COL21A1: variants seen among roughly 807,000 people sequenced by gnomAD.
The protein encoded by COL21A1 is collagen alpha-1(XXI) chain.
COL21A1 carries 149 observed loss-of-function variants against 137.9 expected under a neutral mutation model. That is an observed-to-expected ratio of 1.08 (90% confidence interval 0.95 to 1.24). The LOEUF (loss-of-function observed/expected upper bound fraction) is 1.24. COL21A1 is among the 50% of genes most tolerant of loss of function. The probability of loss-of-function intolerance (pLI) is 0.00; values close to 1 mark genes in which losing one functional copy is unlikely to be tolerated. For missense variants in COL21A1, 1,167 were observed against 1,158.4 expected (o/e 1.01, Z -0.11); for synonymous variants, 456 against 391.5 (o/e 1.16, Z -1.95).
intron 1 of COL21A1, among the ~76,000 whole-genome samples, chr6:56,231,803 AAAGACAT>A (rs71796368): frequency 0.01 from 1,524 of 151,940 alleles, 26 homozygotes; most frequent in African/African-American, 0.035. Context: ...AAAGAGCTCC[AAAGACAT>A]ATACGGTAAC....
At chr6:56,071,904 C>G (rs1021031137) in intron 20 of COL21A1, among the ~76,000 whole-genome samples, 9 of 151,380 alleles carry the variant, frequency 5.9e-5, no homozygotes, top group African/African-American at 2.2e-4. Flanking sequence ...CTGCACCTAT[C>G]AACCCATCAC....
intron 1 of COL21A1, among the ~76,000 whole-genome samples, chr6:56,294,720 A>G (rs982524562): frequency 2.0e-5 from 3 of 151,906 alleles, no homozygotes; most frequent in African/African-American, 7.2e-5. Flanking sequence ...GATGTTGAGT[A>G]TCTCCTGTAT....
chr6:56,147,895 GTCC>G (rs1207502039), intron 10 of COL21A1, among the ~76,000 whole-genome samples: 1 of 152,094 alleles, frequency 6.6e-6, no homozygotes, highest in African/African-American at 2.4e-5. Context: ...TTTCCTCCCT[GTCC>G]TCTTTTTCTC....
chr6:56,158,266 C>CTTTTTTTTTTTTTTT (rs67453245), intron 9 of COL21A1, among the ~76,000 whole-genome samples: 2,978 of 62,692 alleles, frequency 0.048, 20 homozygotes, highest in East Asian at 0.063. Flanking sequence ...TTTTTTTTTT[C>CTTTTTTTTTTTTTTT]TTTTTTTTTT....
intron 21 of COL21A1, 37 bp from the exon 22 acceptor site, chr6:56,069,154 T>G: frequency 7.1e-7 from 1 of 1,399,432 alleles, no homozygotes; most frequent in Non-Finnish European, 9.9e-7. Context: ...ATCACAGATC[T>G]ACTGCTTATG....
chr6:56,173,567 T>G (rs1409210918), intron 3 of COL21A1, among the ~76,000 whole-genome samples: 1 of 152,116 alleles, frequency 6.6e-6, no homozygotes, highest in African/African-American at 2.4e-5. Flanking sequence ...ATCAGAGATG[T>G]CTATACTTAT....
chr6:56,276,473 T>A, intron 1 of COL21A1: 1 of 741,960 alleles, frequency 1.3e-6, no homozygotes, highest in Non-Finnish European at 2.2e-6. Context: ...AAATACATAC[T>A]TTTTTCAGAG....
At chr6:56,108,830 A>C (rs1771169960) in intron 16 of COL21A1, among the ~76,000 whole-genome samples, 1 of 151,922 alleles carries the variant, frequency 6.6e-6, no homozygotes, top group African/African-American at 2.4e-5. Flanking sequence ...TTAAACATAC[A>C]ATAAGTCAAA....
intron 1 of COL21A1, among the ~76,000 whole-genome samples, chr6:56,257,917 A>C (rs746685346): frequency 1.3e-5 from 2 of 152,152 alleles, no homozygotes; most frequent in Non-Finnish European, 2.9e-5. Context: ...TTATTTAATC[A>C]GTCAGAAATT....
chr6:56,251,315 T>C (rs1383306121), upstream of COL21A1, among the ~76,000 whole-genome samples: 1 of 152,212 alleles, frequency 6.6e-6, no homozygotes, highest in Non-Finnish European at 1.5e-5. Flanking sequence ...TTAATCAATC[T>C]ACCACAGTGA....
At chr6:56,115,202 A>C (rs2152196042) in intron 16 of COL21A1, among the ~76,000 whole-genome samples, 1 of 151,374 alleles carries the variant, frequency 6.6e-6, no homozygotes, top group East Asian at 1.9e-4. Flanking sequence ...CTAGATGACG[A>C]GTTAGTGGGT....
intron 23 of COL21A1, 35 bp downstream of exon 23, chr6:56,067,260 T>C (rs1766345896): frequency 1.3e-6 from 2 of 1,553,510 alleles, no homozygotes; most frequent in Non-Finnish European, 1.8e-6. Context: ...TCTGATTTTA[T>C]TGCTCAGCCT....
At chr6:56,268,774 G>T (rs1437898921) in intron 1 of COL21A1, among the ~76,000 whole-genome samples, 2 of 152,166 alleles carry the variant, frequency 1.3e-5, no homozygotes, top group South Asian at 2.1e-4. Context: ...CCCAGCAGTC[G>T]TTCTTAATCA....
rs1777013850 is a variant in COL21A1, at chr6:56,171,145, A to G, written c.641-17T>C. ...AGACAGATTCTATAAAGCAAAAGCAATAAAAGTTGGTTAATCATGGACTAT... is the reference window on the plus strand; with the variant it reads ...AGACAGATTCTATAAAGCAAAAGCAGTAAAAGTTGGTTAATCATGGACTAT... On this transcript the variant is annotated splice_polypyrimidine_tract_variant and intron_variant, in intron 3 of 29. Coordinates refer to ENST00000244728, the MANE Select transcript of COL21A1 (RefSeq NM_030820.4). 1.3e-6 allele frequency: 2 copies of G among 1,562,746 alleles called. No homozygotes were observed. Among genetic ancestry groups the G allele is most frequent in the East Asian group, 2.3e-5 (1 of 44,424 alleles).
chr6:56,304,629 C>A (rs1160975866), intron 1 of COL21A1, among the ~76,000 whole-genome samples: 1 of 151,946 alleles, frequency 6.6e-6, no homozygotes, highest in Non-Finnish European at 1.5e-5. Flanking sequence ...CTCTTTTCTT[C>A]TTTATTAGTC....
At chr6:56,099,408 T>C (rs1770233473) in intron 17 of COL21A1, among the ~76,000 whole-genome samples, 1 of 151,382 alleles carries the variant, frequency 6.6e-6, no homozygotes, top group Non-Finnish European at 1.5e-5. Context: ...GGCTAATTTT[T>C]TGTATTTTTA....
At chr6:56,387,757 A>G (rs2094020935) in intron 1 of COL21A1, among the ~76,000 whole-genome samples, 1 of 152,166 alleles carries the variant, frequency 6.6e-6, no homozygotes, top group Non-Finnish European at 1.5e-5. Flanking sequence ...CCAGAGGGAA[A>G]TTATCCCCAG....
intron 28 of COL21A1, 52 bp from the exon 29 acceptor site, chr6:56,059,294 G>C (rs368375423): frequency 1.8e-4 from 229 of 1,263,596 alleles, no homozygotes; most frequent in South Asian, 8.2e-4. Flanking sequence ...CTGCCTTCTA[G>C]ATTGTTTCAT....
chr6:56,231,628 T>C (rs2152318428), intron 1 of COL21A1, among the ~76,000 whole-genome samples: 1 of 152,032 alleles, frequency 6.6e-6, no homozygotes, highest in African/African-American at 2.4e-5. Context: ...ACCAATTATG[T>C]ATACTAGTAA....
Sources: gnomAD v4.1 joint callset for allele counts (sites outside exome capture counted in the v4.1 genomes callset) on GRCh38, gnomAD v4.1.1 for gene constraint, MANE v1.5 for transcripts, NCBI Gene and HGNC (gene_info 2026-07-23, HGNC 2026-07-21) for gene names.